ART3: variants seen among roughly 807,000 people sequenced by gnomAD.
ART3 encodes the protein ADP-ribosyltransferase 3 (inactive), also known as ecto-ADP-ribosyltransferase 3.
A neutral mutation model predicts 48.5 loss-of-function variants in ART3; 49 were observed. That is an observed-to-expected ratio of 1.01 (90% CI 0.80 to 1.28). The LOEUF (loss-of-function observed/expected upper bound fraction) is 1.28. Among genes scored for constraint, ART3 ranks in the 50% most tolerant of loss-of-function variants. The pLI is 0.00. For synonymous variants in ART3, 145 were observed against 157.2 expected (o/e 0.92, Z 0.58); for missense variants, 438 against 454.3 (o/e 0.96, Z 0.33).
chr4:76,075,811 TCATC>T, intron 1 of ART3, 66 bp from the exon 2 acceptor site: 1 of 1,166,982 alleles, frequency 8.6e-7, no homozygotes, highest in South Asian at 1.4e-5. Flanking sequence ...ATACGCAGTG[TCATC>T]CTATTCTACT....
At position 76,043,503 on chromosome 4, in the gene ART3, T is replaced by A. The variant is rs1463554246; in HGVS notation, c.-10+32183T>A. On this transcript the variant is annotated intron_variant, in intron 1 of 9. Coordinates refer to the ART3 transcript ENST00000341029. ...AGTGCCAGCCCACTGGGGGACCCAGTACACCCTCCGCAGCTGCTGGCCTGG... is the reference window on the plus strand; with the variant it reads ...AGTGCCAGCCCACTGGGGGACCCAGAACACCCTCCGCAGCTGCTGGCCTGG... Among the ~76,000 whole-genome samples, 5 of 152,112 alleles carry A rather than the reference T, an allele frequency of 3.3e-5. 1 individual carries two copies. The highest frequency in any genetic ancestry group is 7.4e-5 in the Non-Finnish European group (5 of 67,972).
chr4:76,095,928 T>A (rs1483712931), intron 3 of ART3, among the ~76,000 whole-genome samples: 1 of 152,038 alleles, frequency 6.6e-6, no homozygotes, highest in Non-Finnish European at 1.5e-5. Flanking sequence ...ACAACATTTT[T>A]TTTTTTCTTT....
intron 1 of ART3, chr4:76,023,423 T>A (rs781668820): frequency 9.9e-6 from 16 of 1,613,964 alleles, no homozygotes; most frequent in Non-Finnish European, 1.0e-5. Context: ...GAATGGCAGT[T>A]TGATTCATGG....
At chr4:76,079,967 C>T (rs1722101969) in intron 2 of ART3, among the ~76,000 whole-genome samples, 1 of 152,098 alleles carries the variant, frequency 6.6e-6, no homozygotes, top group Non-Finnish European at 1.5e-5. Flanking sequence ...AAGTATCATT[C>T]ACATAGAACC....
chr4:76,074,049 T>C (rs533202212), upstream of ART3, among the ~76,000 whole-genome samples: 3 of 152,208 alleles, frequency 2.0e-5, no homozygotes, highest in Admixed American at 2.0e-4. Context: ...TTTTGTGTTT[T>C]TTAAATCCAC....
chr4:76,105,173 A>C (rs1728193837), intron 10 of ART3, among the ~76,000 whole-genome samples: 1 of 152,178 alleles, frequency 6.6e-6, no homozygotes, highest in Non-Finnish European at 1.5e-5. Flanking sequence ...TTGTGCGTCT[A>C]CATCTCTTCA....
upstream of ART3, among the ~76,000 whole-genome samples, chr4:76,071,563 C>G (rs916710714): frequency 3.9e-5 from 6 of 152,214 alleles, no homozygotes; most frequent in Non-Finnish European, 7.3e-5. Flanking sequence ...TTCATCTCCA[C>G]TCTTCTATCA....
At chr4:76,043,034 C>T (rs72653654) in intron 1 of ART3, among the ~76,000 whole-genome samples, 2,255 of 151,936 alleles carry the variant, frequency 0.015, 27 homozygotes, top group Non-Finnish European at 0.023. Context: ...AGAGGTTCTC[C>T]GGGGCCCCAC....
chr4:76,097,077 C>G (rs1726173456), intron 3 of ART3, among the ~76,000 whole-genome samples: 1 of 152,152 alleles, frequency 6.6e-6, no homozygotes, highest in Non-Finnish European at 1.5e-5. Flanking sequence ...CCTTGAAAGT[C>G]ATTTGAAGCA....
chr4:76,039,180 A>G (rs1332794556), intron 1 of ART3, among the ~76,000 whole-genome samples: 4 of 145,930 alleles, frequency 2.7e-5, no homozygotes, highest in African/African-American at 1.0e-4. Context: ...GCTTACTGCA[A>G]CCTCCGCCTC....
chr4:76,050,729 C>T (rs1000551643), intron 1 of ART3, among the ~76,000 whole-genome samples: 12 of 152,286 alleles, frequency 7.9e-5, no homozygotes, highest in African/African-American at 2.9e-4. Context: ...CGCGGAGGCT[C>T]GGGCCACACA....
intron 1 of ART3, chr4:76,036,054 G>T: frequency 7.0e-7 from 1 of 1,437,986 alleles, no homozygotes; most frequent in Non-Finnish European, 9.8e-7. Flanking sequence ...TTCTTGGAAG[G>T]AGTAGAAATG....
chr4:76,106,080 A>G (rs1195666982), intron 10 of ART3: 2 of 985,218 alleles, frequency 2.0e-6, no homozygotes, highest in African/African-American at 1.7e-5. Context: ...ATTTAATCCA[A>G]TACGATAAAT....
At chr4:76,015,719 A>C (rs1021459253) in intron 1 of ART3, among the ~76,000 whole-genome samples, 1 of 152,146 alleles carries the variant, frequency 6.6e-6, no homozygotes. Context: ...TACAGCCTCA[A>C]CCTGGCTCAA....
At chr4:76,038,497 T>C (rs945606800) in intron 1 of ART3, among the ~76,000 whole-genome samples, 2 of 152,196 alleles carry the variant, frequency 1.3e-5, no homozygotes, top group Non-Finnish European at 2.9e-5. Flanking sequence ...CATTAATTCA[T>C]TTAACATATG....
At position 76,112,428 on chromosome 4, in the gene ART3, C is replaced by T. The variant is rs776430019; in HGVS notation, c.1079C>T (p.Ser360Phe). 6.2e-7 allele frequency: 1 copy of T among 1,614,166 alleles called. No homozygotes were observed. Among genetic ancestry groups the T allele is most frequent in the Non-Finnish European group, 8.5e-7 (1 of 1,180,012 alleles). The change falls in exon 12 of 12, where the codon TCT (serine) becomes TTT (phenylalanine). Residue 360 changes from serine (S) to phenylalanine (F), a missense_variant. This residue lies in a region of ART3 where 227 missense variants were observed against 229.6 expected (regional missense o/e 0.99). Coordinates refer to ENST00000355810, the MANE Select transcript of ART3 (RefSeq NM_001130016.3). ...VPVPGPKSHP[S>F]ASSGKLLLPQ... ...GTTCCAGGTCCCAAAAGCCATCCTT[C>T]TGCATCCTCGGGCAAACTGCTGCTT...
intron 3 of ART3, among the ~76,000 whole-genome samples, chr4:76,089,675 A>G (rs1401989986): frequency 6.6e-6 from 1 of 152,120 alleles, no homozygotes; most frequent in Non-Finnish European, 1.5e-5. Context: ...GTCATCAAAC[A>G]GTTTGTAACA....
upstream of ART3, among the ~76,000 whole-genome samples, chr4:76,070,681 C>A (rs1182481897): frequency 1.3e-5 from 2 of 152,302 alleles, no homozygotes; most frequent in Admixed American, 1.3e-4. Context: ...GCCCAGCAAT[C>A]ATAAGGCATT....
intron 1 of ART3, among the ~76,000 whole-genome samples, chr4:76,030,346 G>A (rs1201980063): frequency 1.3e-5 from 2 of 152,132 alleles, no homozygotes; most frequent in African/African-American, 2.4e-5. Flanking sequence ...GTGAGCCACC[G>A]TGTCTGGCCT....
Sources: gnomAD v4.1 joint callset for allele counts (sites outside exome capture counted in the v4.1 genomes callset) on GRCh38, gnomAD v4.1.1 for gene constraint, gnomAD v4.1.1 regional missense constraint, MANE v1.5 for transcripts, NCBI Gene and HGNC (gene_info 2026-07-23, HGNC 2026-07-21) for gene names.